POLA1: variants seen among roughly 807,000 people sequenced by gnomAD.
The protein encoded by POLA1 is DNA polymerase alpha 1, catalytic subunit.
Under a neutral mutation model 124.0 loss-of-function variants are expected in POLA1, and 15 were observed. The ratio of observed to expected loss-of-function variants is 0.12; its 90% CI spans 0.08 to 0.19. The LOEUF is 0.19. Ranked by LOEUF, POLA1 falls within the 10% of genes least tolerant of loss-of-function variation. POLA1 has a pLI of 1.00. For missense variants in POLA1, 886 were observed against 1,103.4 expected (o/e 0.80, Z 2.79); for synonymous variants, 408 against 389.4 (o/e 1.05, Z -0.56).
chrX:24,829,785 T>G (rs200262892), intron 32 of POLA1, among the ~76,000 whole-genome samples: 1 of 111,708 alleles, frequency 9.0e-6, no homozygotes, highest in East Asian at 2.8e-4. Flanking sequence ...GTAAGAGAAG[T>G]GTTAGGGGGT....
intron 26 of POLA1, among the ~76,000 whole-genome samples, chrX:24,752,001 C>G (rs945489019): frequency 1.8e-5 from 2 of 111,777 alleles, no homozygotes; most frequent in Non-Finnish European, 3.8e-5. Context: ...GGTAGCATGC[C>G]ATTGCAAAAG....
At chrX:24,697,904 A>G (rs1928126695) in intron 1 of POLA1, among the ~76,000 whole-genome samples, 1 of 110,550 alleles carries the variant, frequency 9.0e-6, no homozygotes. Context: ...TTAGTTTTTC[A>G]TCAGTGGGTA....
chrX:24,799,528 A>G lies in POLA1; in HGVS notation c.2965-10370A>G, dbSNP rs762264775. The stretch of plus-strand genomic sequence containing the variant: ...AATTGCCCAACTTCATTATCTGAGC[A>G]TAGCCAGCCTGACGCCTTCTTCTCA... On this transcript the variant is annotated intron_variant, in intron 26 of 36. Coordinates refer to ENST00000379068, the MANE Select transcript of POLA1 (RefSeq NM_001330360.2). Among the ~76,000 whole-genome samples, 265 of 112,607 alleles carry G rather than the reference A, an allele frequency of 2.4e-3. 2 individuals are homozygous for G. The highest frequency in any genetic ancestry group is 8.5e-3 in the African/African-American group (264 of 31,043).
chrX:24,741,259 T>C, intron 20 of POLA1, 116 bp from the exon 21 acceptor site: 2 of 506,187 alleles, frequency 4.0e-6, no homozygotes, highest in Non-Finnish European at 6.6e-6. Context: ...GCCAAGGTGC[T>C]GTTGCTCTGA....
At chrX:24,911,334 T>G (rs11573466) in intron 35 of POLA1, among the ~76,000 whole-genome samples, 6,070 of 111,324 alleles carry the variant, frequency 0.055, 317 homozygotes, top group African/African-American at 0.16. Context: ...TATTGGTATA[T>G]TCACCCAGTT....
At chrX:24,834,528 A>G (rs924566779) in intron 32 of POLA1, among the ~76,000 whole-genome samples, 1 of 112,086 alleles carries the variant, frequency 8.9e-6, no homozygotes, top group Middle Eastern at 4.6e-3. Context: ...TCCTAGCACT[A>G]TGGGAGGCCA....
chrX:24,987,623 A>G (rs372123569), intron 36 of POLA1, among the ~76,000 whole-genome samples: 18 of 111,653 alleles, frequency 1.6e-4, no homozygotes, highest in African/African-American at 5.9e-4. Context: ...CTTTTTCTCC[A>G]CAAGGTATGT....
intron 10 of POLA1, among the ~76,000 whole-genome samples, chrX:24,719,547 A>G (rs751145038): frequency 1.8e-5 from 2 of 111,764 alleles, no homozygotes; most frequent in Non-Finnish European, 3.8e-5. Context: ...TTTCCCATCC[A>G]TTGCTGAAAC....
intron 26 of POLA1, among the ~76,000 whole-genome samples, chrX:24,753,987 C>T (rs1932459442): frequency 9.0e-6 from 1 of 111,502 alleles, no homozygotes; most frequent in Non-Finnish European, 1.9e-5. Flanking sequence ...AATTTGTGCA[C>T]ATTAAAAGTG....
chrX:24,857,976 T>A (rs1429794962), intron 34 of POLA1, among the ~76,000 whole-genome samples: 2 of 111,979 alleles, frequency 1.8e-5, no homozygotes, highest in Non-Finnish European at 3.8e-5. Flanking sequence ...TACCATGTGC[T>A]ATATATGAGA....
At chrX:24,729,347 C>G (rs1327909432) in intron 15 of POLA1, among the ~76,000 whole-genome samples, 1 of 111,377 alleles carries the variant, frequency 9.0e-6, no homozygotes, top group Non-Finnish European at 1.9e-5. Flanking sequence ...ATCAGATGTC[C>G]CCGGGTCAGG....
chrX:24,702,266 A>G (rs995668685), intron 2 of POLA1, among the ~76,000 whole-genome samples: 4 of 109,604 alleles, frequency 3.6e-5, no homozygotes, highest in Admixed American at 1.9e-4. Flanking sequence ...ATGGGGTTTC[A>G]CTATGTTGGC....
At chrX:24,834,710 G>A (rs1202277482) in intron 32 of POLA1, among the ~76,000 whole-genome samples, 1 of 111,540 alleles carries the variant, frequency 9.0e-6, no homozygotes, top group Admixed American at 9.5e-5. Context: ...CCTGGGAGGC[G>A]AGGTTGCAGT....
At chrX:24,949,405 C>T (rs1260698040) in intron 36 of POLA1, among the ~76,000 whole-genome samples, 1 of 111,375 alleles carries the variant, frequency 9.0e-6, no homozygotes, top group African/African-American at 3.3e-5. Context: ...GCAGTTTGGA[C>T]AGAATATGGG....
At chrX:24,726,867 T>C in intron 13 of POLA1, 66 bp from the exon 14 acceptor site, 2 of 875,235 alleles carry the variant, frequency 2.3e-6, no homozygotes, top group Non-Finnish European at 3.2e-6. Flanking sequence ...ATTTCAAATA[T>C]AGACTTTGGA....
Position 24,716,421 on chromosome X carries a change from T to G in POLA1, c.585T>G (p.Ala195=), listed in dbSNP as rs746581885. Residue 195 remains alanine, a synonymous_variant, in exon 7 of 37, where the codon GCT becomes GCG. Coordinates refer to ENST00000379068, the MANE Select transcript of POLA1 (RefSeq NM_001330360.2). ...TGAAGAAGAAAAGATCCATTGGAGC[T>G]TCACCGAATCCTTTCTCTGTGCACA... is the stretch of plus-strand genomic sequence containing the variant. The part of the protein sequence containing the change: ...MILKKKRSIG[A]SPNPFSVHTA... 1 of 1,172,455 alleles carries G rather than the reference T, an allele frequency of 8.5e-7. No individual in the cohort carries two copies. Among genetic ancestry groups the G allele is most frequent in the Non-Finnish European group, 1.2e-6 (1 of 860,804 alleles).
At chrX:24,979,904 A>G (rs1220393378) in intron 36 of POLA1, among the ~76,000 whole-genome samples, 1 of 111,567 alleles carries the variant, frequency 9.0e-6, no homozygotes, top group African/African-American at 3.3e-5. Flanking sequence ...AAATGTATAG[A>G]CTCAGGTGAG....
intron 35 of POLA1, among the ~76,000 whole-genome samples, chrX:24,894,732 C>T (rs1367892646): frequency 2.7e-5 from 3 of 110,802 alleles, no homozygotes; most frequent in Admixed American, 1.9e-4. Context: ...ACTGTAACTT[C>T]GTCTTAATGT....
intron 24 of POLA1, 130 bp from the exon 25 acceptor site, chrX:24,748,181 C>T (rs1361912704): frequency 2.2e-6 from 1 of 454,542 alleles, no homozygotes; most frequent in Non-Finnish European, 3.8e-6. Context: ...ACTACTCATG[C>T]ATTATTGACC....
Sources: allele counts gnomAD v4.1 joint callset (sites outside exome capture counted in the v4.1 genomes callset), GRCh38; gene constraint gnomAD v4.1.1; transcripts MANE v1.5; gene names NCBI Gene and HGNC (gene_info 2026-07-23, HGNC 2026-07-21).